The following SRGAP3 variants were observed in gnomAD, a reference collection of about 807,000 sequenced individuals.
SRGAP3 encodes SLIT-ROBO Rho GTPase activating protein 3, also known as SLIT-ROBO Rho GTPase-activating protein 3.
SRGAP3 carries 39 observed loss-of-function variants against 121.1 expected under a neutral mutation model. The observed-to-expected ratio is 0.32, with a 90% CI of 0.25 to 0.42. SRGAP3 has a LOEUF of 0.42. Among genes scored for constraint, SRGAP3 ranks in the 10% least tolerant of loss-of-function variants. SRGAP3 has a pLI of 1.00. For missense variants in SRGAP3, 1,213 were observed against 1,470.6 expected (o/e 0.82, Z 2.86); for synonymous variants, 601 against 570.0 (o/e 1.05, Z -0.77).
intron 2 of SRGAP3, among the ~76,000 whole-genome samples, chr3:9,111,119 C>T (rs1355695193): frequency 6.6e-6 from 1 of 152,258 alleles, no homozygotes; most frequent in Non-Finnish European, 1.5e-5. Flanking sequence ...AGGGACACAA[C>T]CTTGAGCCCA....
chr3:9,337,437 T>C lies in SRGAP3; in HGVS notation n.215-6841A>G, dbSNP rs530773245. Among the ~76,000 whole-genome samples the C allele has an allele frequency of 1.3e-3, 199 of 152,324 alleles. 4 individuals are homozygous for C. The South Asian group carries it at 0.04, about 30-fold the overall frequency. ...CTCCAAAAGTCATGTTGAAATTTAA[T>C]TGCCATTTTGATGAGATTAAGAGGT... On this transcript the variant is annotated intron_variant and non_coding_transcript_variant, in intron 1 of 3. Transcript: ENST00000490889.
At chr3:9,308,728 G>C (rs1481387134) in intron 3 of SRGAP3, among the ~76,000 whole-genome samples, 1 of 152,194 alleles carries the variant, frequency 6.6e-6, no homozygotes, top group East Asian at 1.9e-4. Flanking sequence ...GAGGCTGATG[G>C]AAATGATGGG....
At chr3:9,062,701 T>C (rs1451175260) in intron 5 of SRGAP3, among the ~76,000 whole-genome samples, 1 of 152,262 alleles carries the variant, frequency 6.6e-6, no homozygotes, top group Non-Finnish European at 1.5e-5. Flanking sequence ...CATTTGTCAG[T>C]ACTTCATTCC....
intron 1 of SRGAP3, among the ~76,000 whole-genome samples, chr3:9,232,474 C>G (rs1953249809): frequency 1.3e-5 from 2 of 152,144 alleles, no homozygotes; most frequent in Admixed American, 1.3e-4. Flanking sequence ...TCTTTTTATA[C>G]ATATCTAAAT....
At chr3:8,989,913 T>C (rs1167572069) in intron 21 of SRGAP3, among the ~76,000 whole-genome samples, 2 of 152,230 alleles carry the variant, frequency 1.3e-5, no homozygotes, top group Non-Finnish European at 2.9e-5. Flanking sequence ...AGTCTCTCCC[T>C]GCCTAGGTGC....
chr3:9,343,627 C>T (rs1010523746), intron 1 of SRGAP3, among the ~76,000 whole-genome samples: 2 of 152,148 alleles, frequency 1.3e-5, no homozygotes, highest in African/African-American at 2.4e-5. Context: ...AATAGGCATA[C>T]ATCTTTATAT....
chr3:9,184,545 C>T lies in SRGAP3; in HGVS notation c.68-59628G>A, dbSNP rs570152734. Among the ~76,000 whole-genome samples, 28 of 152,244 alleles carry T rather than the reference C, an allele frequency of 1.8e-4. 1 individual carries two copies. The highest frequency in any genetic ancestry group is 6.8e-3 in the Middle Eastern group (2 of 292). ...AATCTCTTAGCATCCAAAGGAAATG[C>T]TCAGTAAATGGGTGTTGTTAATGTC... On this transcript the variant is annotated intron_variant, in intron 1 of 21. Transcript: ENST00000383836.
intron 3 of SRGAP3, among the ~76,000 whole-genome samples, chr3:9,095,292 T>G (rs1368617422): frequency 2.6e-5 from 4 of 152,068 alleles, no homozygotes; most frequent in Non-Finnish European, 5.9e-5. Flanking sequence ...ATATATGAAA[T>G]TAATCAATAT....
At chr3:9,172,734 G>A (rs539697625) in intron 1 of SRGAP3, among the ~76,000 whole-genome samples, 3 of 152,172 alleles carry the variant, frequency 2.0e-5, no homozygotes, top group Non-Finnish European at 4.4e-5. Context: ...CAGATACAAC[G>A]TCATAGGATC....
chr3:9,282,197 TTTTG>T (rs376336610), intron 3 of SRGAP3, among the ~76,000 whole-genome samples: 246 of 152,338 alleles, frequency 1.6e-3, no homozygotes, highest in African/African-American at 5.7e-3. Flanking sequence ...CCCAAAAAGA[TTTTG>T]TTTATGAGGT....
At chr3:8,993,222 T>C (rs1022430682) in intron 19 of SRGAP3, among the ~76,000 whole-genome samples, 167 bp from the exon 20 acceptor site, 3 of 152,204 alleles carry the variant, frequency 2.0e-5, no homozygotes, top group Non-Finnish European at 4.4e-5. Context: ...CCACCACGCA[T>C]GCCCATTGCA....
At chr3:9,010,007 A>T (rs571279823) in intron 18 of SRGAP3, among the ~76,000 whole-genome samples, 1 of 152,046 alleles carries the variant, frequency 6.6e-6, no homozygotes, top group South Asian at 2.1e-4. Context: ...TACTTAGGGA[A>T]CTCATGTCTC....
At chr3:9,021,968 G>C (rs904807900) in intron 14 of SRGAP3, among the ~76,000 whole-genome samples, 2 of 152,170 alleles carry the variant, frequency 1.3e-5, no homozygotes, top group Admixed American at 1.3e-4. Context: ...CAGCTACTTG[G>C]TGGATGGAAG....
chr3:8,988,320 G>A (rs1165499287), intron 21 of SRGAP3, among the ~76,000 whole-genome samples: 3 of 152,278 alleles, frequency 2.0e-5, no homozygotes, highest in South Asian at 2.1e-4. Context: ...TGGGTCACTC[G>A]GCCTACTACC....
At chr3:9,282,325 TA>T (rs1954694269) in intron 3 of SRGAP3, among the ~76,000 whole-genome samples, 1 of 152,224 alleles carries the variant, frequency 6.6e-6, no homozygotes, top group South Asian at 2.1e-4. Context: ...ACATATTTTA[TA>T]AAATATAAGT....
At chr3:9,085,372 A>G (rs1201638561) in intron 3 of SRGAP3, among the ~76,000 whole-genome samples, 1 of 152,222 alleles carries the variant, frequency 6.6e-6, no homozygotes, top group Non-Finnish European at 1.5e-5. Flanking sequence ...GGGAGTGTAA[A>G]TTAGTTCAAC....
rs374008695 is a variant in SRGAP3 at position 9,343,461 on chromosome 3, CA to C, written n.215-12866del. On this transcript the variant is annotated intron_variant and non_coding_transcript_variant, in intron 1 of 3. Transcript: ENST00000490889. ...TCATTCACATTCTCATAAATGCTGCCAAAGTAATCTTTTGTTTCAAGTATTT... is the reference window on the plus strand; with the variant it reads ...TCATTCACATTCTCATAAATGCTGCCAAGTAATCTTTTGTTTCAAGTATTT... 5.6e-3 allele frequency among the ~76,000 whole-genome samples: 854 copies of C among 152,254 alleles called. 12 individuals are homozygous for C. Among genetic ancestry groups the C allele is most frequent in the African/African-American group, 0.02 (814 of 41,544 alleles).
intron 2 of SRGAP3, among the ~76,000 whole-genome samples, chr3:9,117,216 T>C (rs989218972): frequency 6.6e-6 from 1 of 152,236 alleles, no homozygotes; most frequent in African/African-American, 2.4e-5. Flanking sequence ...TTCTGACTCC[T>C]TTTCACATTT....
At chr3:9,123,200 T>C (rs1428702120) in intron 2 of SRGAP3, among the ~76,000 whole-genome samples, 1 of 151,322 alleles carries the variant, frequency 6.6e-6, no homozygotes, top group Non-Finnish European at 1.5e-5. Flanking sequence ...GAATGGGGAG[T>C]TAGTGTTTAA....
Sources: gnomAD v4.1 joint callset for allele counts (sites outside exome capture counted in the v4.1 genomes callset) on GRCh38, gnomAD v4.1.1 for gene constraint, MANE v1.5 for transcripts, NCBI Gene and HGNC (gene_info 2026-07-23, HGNC 2026-07-21) for gene names.